The following CD59 variants were observed in gnomAD, a reference collection of about 807,000 sequenced individuals.
CD59 encodes the protein CD59 glycoprotein.
In CD59, 3 loss-of-function variants were observed where a neutral mutation model predicts 7.0. That is an observed-to-expected ratio of 0.43 (90% confidence interval 0.19 to 1.10). The LOEUF is 1.10. Ranked by LOEUF, CD59 falls within the 50% of genes least tolerant of loss-of-function variation. The pLI, the probability that CD59 is intolerant of heterozygous loss-of-function variation, is 0.29. For synonymous variants in CD59, 60 were observed against 62.0 expected, an observed-to-expected ratio of 0.97 and a Z score of 0.15; for missense variants, 143 against 151.0, an observed-to-expected ratio of 0.95 and a Z score of 0.28.
chr11:33,710,062 G>A lies in CD59; in HGVS notation c.*64C>T, dbSNP rs929968944. 2.5e-6 allele frequency: 3 copies of A among 1,216,058 alleles called. No individual in the cohort carries two copies. The African/African-American group carries it at 4.5e-5, about 18-fold the overall frequency. 75.3% of individuals were successfully genotyped at this position (1,216,058 alleles called of 1,614,324 possible). A position where few individuals can be genotyped will look rare whatever the true frequency, so the allele number is the denominator to read the frequency against. On this transcript the variant is annotated 3_prime_UTR_variant, in exon 4 of 4. Transcript: ENST00000642928. ...GGAAAATATCAAGCCTTTAGAATGT[G>A]GCAGCAAGAGAAAGCGGACTACGCA...
At position 33,709,974 on chromosome 11, in the gene CD59, G is replaced by C; in HGVS notation, c.*152C>G. On this transcript the variant is annotated 3_prime_UTR_variant, in exon 4 of 4. Coordinates refer to ENST00000642928, the MANE Select transcript of CD59 (RefSeq NM_000611.6). Reference sequence around the variant, plus strand: ...CAGGACTGGTCTTCAAAGTCTCCCAGAGCCCCTCTATCTTAGCCAGGTTGC... The same window carrying C: ...CAGGACTGGTCTTCAAAGTCTCCCACAGCCCCTCTATCTTAGCCAGGTTGC... 8 of 709,382 alleles carry C rather than the reference G, an allele frequency of 1.1e-5. 1 individual carries two copies. Among genetic ancestry groups the C allele is most frequent in the South Asian group, 1.1e-4 (7 of 65,042 alleles). The allele number at this position is 709,382 out of a possible 1,614,324, so 43.9% of individuals were successfully genotyped here.
chr11:33,714,566 CT>C (rs374622230), intron 3 of CD59, among the ~76,000 whole-genome samples: 65 of 152,202 alleles, frequency 4.3e-4, no homozygotes, highest in African/African-American at 1.4e-3. Flanking sequence ...AAAATCAACC[CT>C]AGTTTACTGC....
intron 2 of CD59, chr11:33,717,764 A>C: frequency 2.5e-6 from 1 of 393,834 alleles, no homozygotes; most frequent in South Asian, 2.1e-5. Flanking sequence ...CAATGTAATG[A>C]TGTGTTAAGA....
chr11:33,707,203 T>C lies in CD59; in HGVS notation c.*2923A>G, dbSNP rs1422975061. 1 of 152,204 alleles carries C rather than the reference T, an allele frequency of 6.6e-6. No homozygotes were observed. 9.4% of individuals were successfully genotyped at this position (152,204 alleles called of 1,614,324 possible). On this transcript the variant is annotated 3_prime_UTR_variant, in exon 4 of 4. Coordinates refer to ENST00000642928, the MANE Select transcript of CD59 (RefSeq NM_000611.6). ...ATCTGTTAGCATTAGTTCAGATCTG[T>C]TGGCAGCAACAGAAACTAATGCGAG...
chr11:33,714,456 T>C (rs1375557290), intron 3 of CD59, among the ~76,000 whole-genome samples: 2 of 152,196 alleles, frequency 1.3e-5, no homozygotes, highest in Non-Finnish European at 2.9e-5. Flanking sequence ...TGGAAGTCAG[T>C]GAATGAGTGG....
chr11:33,713,132 T>C (rs1853637865), intron 3 of CD59, among the ~76,000 whole-genome samples: 1 of 152,178 alleles, frequency 6.6e-6, no homozygotes, highest in Admixed American at 6.5e-5. Context: ...CAGAAGTATA[T>C]ACTCCAAGTA....
rs190428855 is a variant in CD59 at position 33,722,019 on chromosome 11, C to T, written c.67+360G>A. Among the ~76,000 whole-genome samples the T allele has an allele frequency of 2.6e-3, 402 of 152,246 alleles. 3 individuals carry two copies. The highest frequency in any genetic ancestry group is 9.3e-3 in the African/African-American group (388 of 41,532). ...AGCCTCAGAGCAGAAGGACTGAGCT[C>T]AGATGGCTCTAAGCAGAGTGGACCC... On this transcript the variant is annotated intron_variant, in intron 2 of 3. Coordinates refer to ENST00000642928, the MANE Select transcript of CD59 (RefSeq NM_000611.6).
rs1554938351 is a variant in CD59, at chr11:33,706,276, TTAGA to T, written c.*3846_*3849del. The T allele has an allele frequency of 6.6e-6, 1 of 152,082 alleles. No homozygotes were observed. The highest frequency in any genetic ancestry group is 1.5e-5 in the Non-Finnish European group (1 of 68,022). The allele number at this position is 152,082 out of a possible 1,614,324, so 9.4% of individuals were successfully genotyped here. A position where few individuals can be genotyped will look rare whatever the true frequency, so the allele number is the denominator to read the frequency against. ...GTGTGTATAAACAGGAAGCTTTAGT[TTAGA>T]TAAATAAGATTATCCATTACAAAAA... On this transcript the variant is annotated 3_prime_UTR_variant, in exon 4 of 4. Coordinates refer to ENST00000642928, the MANE Select transcript of CD59 (RefSeq NM_000611.6).
intron 1 of CD59, among the ~76,000 whole-genome samples, chr11:33,728,498 T>G: frequency 6.6e-6 from 1 of 152,194 alleles, no homozygotes; most frequent in East Asian, 1.9e-4. Flanking sequence ...ATCCTTTCCT[T>G]ACACCTTACA....
chr11:33,728,212 A>G (rs556910810), intron 1 of CD59, among the ~76,000 whole-genome samples: 2 of 152,348 alleles, frequency 1.3e-5, no homozygotes, highest in African/African-American at 4.8e-5. Flanking sequence ...CACATAGCCA[A>G]GACAATCCTA....
At chr11:33,722,272 G>T in intron 2 of CD59, 107 bp downstream of exon 2, 2 of 846,512 alleles carry the variant, frequency 2.4e-6, no homozygotes, top group Non-Finnish European at 4.1e-6. Context: ...GAAGGCAAAA[G>T]AACCAAAGCC....
intron 1 of CD59, among the ~76,000 whole-genome samples, chr11:33,725,574 C>T (rs1392857302): frequency 6.6e-6 from 1 of 152,112 alleles, no homozygotes; most frequent in Non-Finnish European, 1.5e-5. Flanking sequence ...CAAGTCTTCC[C>T]CCATGATGAA....
rs563622666 is a variant in CD59, at chr11:33,727,085, T to C, written c.-18-4622A>G. On this transcript the variant is annotated intron_variant, in intron 1 of 3. Coordinates refer to ENST00000642928, the MANE Select transcript of CD59 (RefSeq NM_000611.6). ...ACCAGATGGATTAATAGCTGAATTCTACCAGAGGTACAAAGAGGAGCTGGT... is the reference window on the plus strand; with the variant it reads ...ACCAGATGGATTAATAGCTGAATTCCACCAGAGGTACAAAGAGGAGCTGGT... 1.4e-4 allele frequency among the ~76,000 whole-genome samples: 22 copies of C among 152,338 alleles called. No individual in the cohort carries two copies. In the South Asian group the frequency reaches 4.6e-3, roughly 32 times the overall value.
rs60799690 is a variant in CD59 at position 33,711,053 on chromosome 11, G to T, written c.170-710C>A. 6.8e-3 allele frequency among the ~76,000 whole-genome samples: 277 copies of T among 40,552 alleles called. 2 individuals are homozygous for T. Among genetic ancestry groups the T allele is most frequent in the African/African-American group, 0.048 (224 of 4,706 alleles). 26.6% of individuals were successfully genotyped at this position (40,552 alleles called of 152,430 possible). ...GATTTAAAAAAAAAAAAATAAAGGTGGGGGGGGGGCAGAAAAATAGGTAAA... is the reference window on the plus strand; with the variant it reads ...GATTTAAAAAAAAAAAAATAAAGGTTGGGGGGGGGCAGAAAAATAGGTAAA... On this transcript the variant is annotated intron_variant, in intron 3 of 3. Coordinates refer to ENST00000642928, the MANE Select transcript of CD59 (RefSeq NM_000611.6).
chr11:33,733,844 T>G (rs1288021488), intron 1 of CD59, among the ~76,000 whole-genome samples: 1 of 152,190 alleles, frequency 6.6e-6, no homozygotes, highest in Non-Finnish European at 1.5e-5. Flanking sequence ...GATTCACAGT[T>G]GCCCATGAGT....
chr11:33,735,529 G>C (rs1219523049), intron 1 of CD59, among the ~76,000 whole-genome samples: 2 of 152,044 alleles, frequency 1.3e-5, no homozygotes, highest in Admixed American at 6.6e-5. Context: ...TCAGCCTCCC[G>C]GGTTAATGTT....
rs1455947059 is a variant in CD59 at position 33,710,269 on chromosome 11, T to C, written c.244A>G (p.Asn82Asp). ...TTGCAGCAGTAGTACGTTAGCTCAT[T>C]TTCCCTCAAGCGGGTTGTGACGTCG... ...FNDVTTRLRE[N>D]ELTYYCCKKD... is the part of the protein sequence containing the mutation. Residue 82 changes from asparagine (N) to aspartate (D), a missense_variant, in exon 4 of 4, where the codon AAT becomes GAT. Physicochemically the swap from Asn to Asp is conservative, Grantham distance 23. Coordinates refer to ENST00000642928, the MANE Select transcript of CD59 (RefSeq NM_000611.6). 6.2e-7 allele frequency: 1 copy of C among 1,614,216 alleles called. No homozygotes were observed. The highest frequency in any genetic ancestry group is 8.5e-7 in the Non-Finnish European group (1 of 1,180,040).
intron 3 of CD59, among the ~76,000 whole-genome samples, chr11:33,715,779 C>T (rs1564971977): frequency 6.6e-6 from 1 of 152,152 alleles, no homozygotes. Flanking sequence ...TTGGCTTTGA[C>T]CTCCTTTCCT....
chr11:33,716,622 C>T (rs1369174759), intron 3 of CD59, among the ~76,000 whole-genome samples: 1 of 152,204 alleles, frequency 6.6e-6, no homozygotes, highest in Non-Finnish European at 1.5e-5. Context: ...CCTCTGTCTA[C>T]CACTTCCTAA....
Sources: gnomAD v4.1 joint callset for allele counts (sites outside exome capture counted in the v4.1 genomes callset) on GRCh38, gnomAD v4.1.1 for gene constraint, MANE v1.5 for transcripts, NCBI Gene and HGNC (gene_info 2026-07-23, HGNC 2026-07-21) for gene names.